The following CELSR1 variants were observed in gnomAD, a reference collection of about 807,000 sequenced individuals.
The protein encoded by CELSR1 is adhesion G protein-coupled receptor C1.
In CELSR1, 110 loss-of-function variants were observed where a neutral mutation model predicts 249.1. That is an observed-to-expected ratio of 0.44 (90% CI 0.38 to 0.52). CELSR1 has a LOEUF of 0.52. Among genes scored for constraint, CELSR1 ranks in the 20% least tolerant of loss-of-function variants. The probability of loss-of-function intolerance (pLI) is 0.00; values close to 1 mark genes in which losing one functional copy is unlikely to be tolerated. For synonymous variants in CELSR1, 2,113 were observed against 1,900.0 expected, an observed-to-expected ratio of 1.11 and a Z score of -2.92; for missense variants, 4,109 against 4,296.4, an observed-to-expected ratio of 0.96 and a Z score of 1.22.
At chr22:46,416,148 ATTTC>A (rs1308744468) in intron 5 of CELSR1, among the ~76,000 whole-genome samples, 1 of 149,882 alleles carries the variant, frequency 6.7e-6, no homozygotes, top group Non-Finnish European at 1.5e-5. Context: ...GCCTCCTCAC[ATTTC>A]TAAGAGGAAT....
chr22:46,482,028 C>G, intron 1 of CELSR1, among the ~76,000 whole-genome samples: 1 of 152,192 alleles, frequency 6.6e-6, no homozygotes, highest in Non-Finnish European at 1.5e-5. Flanking sequence ...CAGCCTCAGC[C>G]TCCCAAAGTG....
Position 46,533,799 on chromosome 22 carries a change from G to C in CELSR1, c.3372C>G (p.Ile1124Met), listed in dbSNP as rs772104504. 12 of 1,613,636 alleles carry C rather than the reference G, an allele frequency of 7.4e-6. No individual in the cohort carries two copies. Among genetic ancestry groups the C allele is most frequent in the Admixed American group, 5.0e-5 (3 of 60,014 alleles). The stretch of plus-strand genomic sequence containing the variant: ...CGGGGTCATGGGCCGGGATGCAGCC[G>C]ATCACGCCGGTGGGGAAACTGTTGG... ...NKSNSFPTGV[I>M]GCIPAHDPDV... Residue 1124 changes from isoleucine to methionine, a missense_variant, in exon 1 of 35, where the codon ATC becomes ATG. Ile to Met is a conservative substitution (Grantham distance 10). Coordinates refer to ENST00000674500, the MANE Select transcript of CELSR1 (RefSeq NM_001378328.1).
chr22:46,381,585 G>C lies in CELSR1; in HGVS notation c.7088+261C>G, dbSNP rs1186575307. Among the ~76,000 whole-genome samples, 1 of 152,208 alleles carries C rather than the reference G, an allele frequency of 6.6e-6. No homozygotes were observed. Among genetic ancestry groups the C allele is most frequent in the African/African-American group, 2.4e-5 (1 of 41,446 alleles). On this transcript the variant is annotated intron_variant, in intron 21 of 34. Transcript: ENST00000674500. This position sits in a 1 kb window ranked among gnomAD's most constrained non-coding sequence, Gnocchi z 6.0. ...TGGGCACAAGATGGGGTGTATGCTGGGGAGGGGGCATTTCTGGCACAAACA... is the reference window on the plus strand; with the variant it reads ...TGGGCACAAGATGGGGTGTATGCTGCGGAGGGGGCATTTCTGGCACAAACA...
chr22:46,535,906 T>C lies in CELSR1; in HGVS notation c.1265A>G (p.Glu422Gly). The change falls in exon 1 of 35, where the codon GAG becomes GGG. Residue 422 changes from glutamate to glycine, a missense_variant. This residue lies in a region of CELSR1 where 673 missense variants were observed against 636.8 expected (regional missense o/e 1.06). Transcript: ENST00000674500. ...GTTGGCCTCCACCAGGAGCTGGTAC[T>C]CGGCCGCCTCCTCCCGGTCCAGCAC... The part of the protein sequence containing the change: ...RAVLDREEAA[E>G]YQLLVEANDQ... The C allele has an allele frequency of 6.2e-7, 1 of 1,608,850 alleles. No homozygotes were observed. Among genetic ancestry groups the C allele is most frequent in the Non-Finnish European group, 8.5e-7 (1 of 1,179,396 alleles).
At position 46,411,783 on chromosome 22, in the gene CELSR1, G is replaced by A. The variant is rs758337099; in HGVS notation, c.4612-24C>T. 5.6e-5 allele frequency: 91 copies of A among 1,613,150 alleles called. No individual in the cohort carries two copies. The highest frequency in any genetic ancestry group is 7.4e-5 in the Non-Finnish European group (87 of 1,179,974). On this transcript the variant is annotated intron_variant, in intron 5 of 34. Coordinates refer to ENST00000674500, the MANE Select transcript of CELSR1 (RefSeq NM_001378328.1). This position sits in a 1 kb window ranked among gnomAD's most constrained non-coding sequence, Gnocchi z 4.2. ...GGCTGTAAGAAGAGAAAGCACAGAA[G>A]GTGTCAGCGTTTTCTCCACCAGTGC...
chr22:46,363,587 G>A lies in CELSR1; in HGVS notation c.9036-340C>T, dbSNP rs1406165433. 3.6e-5 allele frequency: 13 copies of A among 361,258 alleles called. No homozygotes were observed. The highest frequency in any genetic ancestry group is 6.6e-5 in the Non-Finnish European group (13 of 195,844). 22.4% of individuals were successfully genotyped at this position (361,258 alleles called of 1,614,324 possible). A position where few individuals can be genotyped will look rare whatever the true frequency, so the allele number is the denominator to read the frequency against. On this transcript the variant is annotated intron_variant, in intron 34 of 34. Transcript: ENST00000674500. This position sits in a 1 kb window ranked among gnomAD's most constrained non-coding sequence, Gnocchi z 4.3. ...TGGAGGGAGGGAGGGGCGACAGGGA[G>A]AGGTCTGGGGCCAGGACCCCAGCTC...
In CELSR1 at chr22:46,381,395, G is replaced by A. The variant is rs2078976451; in HGVS notation, c.7089-440C>T. Among the ~76,000 whole-genome samples, 1 of 152,176 alleles carries A rather than the reference G, an allele frequency of 6.6e-6. No homozygotes were observed. Among genetic ancestry groups the A allele is most frequent in the African/African-American group, 2.4e-5 (1 of 41,448 alleles). ...ATCTGGGAAATGGCAGGAAGAAGGA[G>A]GGCGGAGCCTTGGGCTGCTCCCACC... is the stretch of plus-strand genomic sequence containing the variant. On this transcript the variant is annotated intron_variant, in intron 21 of 34. Transcript: ENST00000674500. This position sits in a 1 kb window ranked among gnomAD's most constrained non-coding sequence, Gnocchi z 6.0.
rs1388233891 is a variant in CELSR1 at position 46,420,569 on chromosome 22, GCA to G, written c.4612-8812_4612-8811del. Among the ~76,000 whole-genome samples the G allele has an allele frequency of 2.6e-5, 4 of 152,120 alleles. No individual in the cohort carries two copies. In the East Asian group the frequency reaches 5.8e-4, roughly 22 times the overall value. The stretch of plus-strand genomic sequence containing the variant: ...CAGATATACTAGCACACACTTGTGT[GCA>G]CACATGCTCACCCATACTCGTGCTC... On this transcript the variant is annotated intron_variant, in intron 5 of 34. Coordinates refer to ENST00000674500, the MANE Select transcript of CELSR1 (RefSeq NM_001378328.1).
chr22:46,519,168 G>A (rs1037617084), intron 1 of CELSR1, among the ~76,000 whole-genome samples: 5 of 152,196 alleles, frequency 3.3e-5, no homozygotes, highest in Non-Finnish European at 5.9e-5. Flanking sequence ...GAGGGTACAG[G>A]CTTTCCTTTG....
In CELSR1 at chr22:46,516,756, C is replaced by T. The variant is rs375581369; in HGVS notation, c.3544+16871G>A. 3.3e-5 allele frequency among the ~76,000 whole-genome samples: 5 copies of T among 152,316 alleles called. No individual in the cohort carries two copies. The East Asian group carries it at 7.7e-4, about 24-fold the overall frequency. On this transcript the variant is annotated intron_variant, in intron 1 of 34. Coordinates refer to ENST00000674500, the MANE Select transcript of CELSR1 (RefSeq NM_001378328.1). Reference sequence around the variant, plus strand: ...AACGGACCACAAAGTCCATTCCCTCCACTTCTCACCCAGGCACACGACTCT... The same window carrying T: ...AACGGACCACAAAGTCCATTCCCTCTACTTCTCACCCAGGCACACGACTCT...
intron 1 of CELSR1, among the ~76,000 whole-genome samples, chr22:46,514,688 G>A (rs2080608457): frequency 6.6e-6 from 1 of 152,212 alleles, no homozygotes; most frequent in South Asian, 2.1e-4. Flanking sequence ...ACTCCCCGGA[G>A]GGAGCCGGGG....
In CELSR1 at chr22:46,434,150, T is replaced by C. The variant is rs1299173898; in HGVS notation, c.4523-669A>G. 6.6e-6 allele frequency among the ~76,000 whole-genome samples: 1 copy of C among 152,220 alleles called. No individual in the cohort carries two copies. The highest frequency in any genetic ancestry group is 1.9e-4 in the East Asian group (1 of 5,204). On this transcript the variant is annotated intron_variant, in intron 4 of 34. Coordinates refer to ENST00000674500, the MANE Select transcript of CELSR1 (RefSeq NM_001378328.1). This position sits in a 1 kb window ranked among gnomAD's most constrained non-coding sequence, Gnocchi z 4.9. ...TTCCACTTTAGGTCACTTAATCAAA[T>C]AAATGTCATCTCAGGCTTTTAACAA...
At chr22:46,386,012 C>A (rs2079029978) in intron 19 of CELSR1, among the ~76,000 whole-genome samples, 1 of 148,032 alleles carries the variant, frequency 6.8e-6, no homozygotes, top group African/African-American at 2.6e-5. Flanking sequence ...CTCTGTCACC[C>A]ATGCTGGAGT....
In CELSR1 at chr22:46,366,457, G is replaced by T. The variant is rs2078783278; in HGVS notation, c.8229C>A (p.Thr2743=). ...GCAGCATGTCAGGCCCGTCACCGAAGGTGGTGTTGCAGTTGAGGGAGCGCT... is the reference window on the plus strand; with the variant it reads ...GCAGCATGTCAGGCCCGTCACCGAATGTGGTGTTGCAGTTGAGGGAGCGCT... ...LLTRSLNCNT[T]FGDGPDMLRT... is the part of the protein sequence containing the mutation. Residue 2743 remains threonine (T), a synonymous_variant, in exon 30 of 35, where the codon ACC becomes ACA. Coordinates refer to ENST00000674500, the MANE Select transcript of CELSR1 (RefSeq NM_001378328.1). 1.3e-6 allele frequency: 2 copies of T among 1,550,434 alleles called. No homozygotes were observed. Among genetic ancestry groups the T allele is most frequent in the East Asian group, 2.4e-5 (1 of 40,904 alleles).
In CELSR1 at chr22:46,433,489, G is replaced by C; in HGVS notation, c.4523-8C>G. 1.9e-6 allele frequency: 3 copies of C among 1,612,062 alleles called. No individual in the cohort carries two copies. The highest frequency in any genetic ancestry group is 2.5e-6 in the Non-Finnish European group (3 of 1,178,550). On this transcript the variant is annotated splice_polypyrimidine_tract_variant and splice_region_variant and intron_variant, in intron 4 of 34. Coordinates refer to ENST00000674500, the MANE Select transcript of CELSR1 (RefSeq NM_001378328.1). This position sits in a 1 kb window ranked among gnomAD's most constrained non-coding sequence, Gnocchi z 5.7. ...CGGTCGTTGTTGTCTCGCCTGCATG[G>C]TGGGAGGGAGACCCAGAGAGAAAAC...
Position 46,441,560 on chromosome 22 carries a change from C to T in CELSR1, c.4184-2149G>A, listed in dbSNP as rs1047211743. ...TCTGGAGGTTGGAAGCCCAACATCA[C>T]GCTTCCAGCTGAGGTGGCCTCTGTG... On this transcript the variant is annotated intron_variant, in intron 2 of 34. Transcript: ENST00000674500. The surrounding 1 kb of genome is among the most constrained non-coding windows in gnomAD (Gnocchi z 6.1). Among the ~76,000 whole-genome samples, 10 of 152,292 alleles carry T rather than the reference C, an allele frequency of 6.6e-5. No homozygotes were observed. The highest frequency in any genetic ancestry group is 1.9e-4 in the African/African-American group (8 of 41,558).
chr22:46,368,030 C>T (rs1024651730), intron 27 of CELSR1, among the ~76,000 whole-genome samples, 175 bp from the exon 28 acceptor site: 9 of 152,190 alleles, frequency 5.9e-5, no homozygotes, highest in African/African-American at 1.7e-4. Context: ...TAGCCAGGTA[C>T]GGACTCATCC....
intron 1 of CELSR1, among the ~76,000 whole-genome samples, chr22:46,474,389 C>T (rs2080185778): frequency 6.6e-6 from 1 of 152,110 alleles, no homozygotes; most frequent in African/African-American, 2.4e-5. Flanking sequence ...GCAGGTGGGT[C>T]CTCACACATC....
chr22:46,494,945 T>C (rs573205717), intron 1 of CELSR1, among the ~76,000 whole-genome samples: 1 of 152,358 alleles, frequency 6.6e-6, no homozygotes, highest in East Asian at 1.9e-4. Flanking sequence ...AACACATTTT[T>C]AAAAACAGTA....
Sources: gnomAD v4.1 joint callset for allele counts (sites outside exome capture counted in the v4.1 genomes callset) on GRCh38, gnomAD v4.1.1 for gene constraint, gnomAD v4.1.1 regional missense constraint, Gnocchi (gnomAD v3.1) non-coding constraint, MANE v1.5 for transcripts, NCBI Gene and HGNC (gene_info 2026-07-23, HGNC 2026-07-21) for gene names.